The following ANK2 variants were observed in gnomAD, a reference collection of about 807,000 sequenced individuals.
The protein encoded by ANK2 is ankyrin-2.
A neutral mutation model predicts 360.5 loss-of-function variants in ANK2; 83 were observed. That is an observed-to-expected ratio of 0.23 (90% CI 0.19 to 0.28). The LOEUF (loss-of-function observed/expected upper bound fraction) is 0.28, where lower values mean the gene tolerates loss of function less well. Among genes scored for constraint, ANK2 ranks in the 10% least tolerant of loss-of-function variants. ANK2 has a pLI of 1.00. For missense variants in ANK2, 4,201 were observed against 4,795.7 expected, an observed-to-expected ratio of 0.88 and a Z score of 3.66; for synonymous variants, 1,740 against 1,759.5, an observed-to-expected ratio of 0.99 and a Z score of 0.28.
At chr4:112,736,806 C>T in the ANK2 span, among the ~76,000 whole-genome samples, 1 of 152,148 alleles carries the variant, frequency 6.6e-6, no homozygotes, top group Non-Finnish European at 1.5e-5. Context: ...AGTGAGATTG[C>T]TGATGGCATC....
chr4:112,747,308 G>A, the ANK2 span, among the ~76,000 whole-genome samples: 1 of 152,174 alleles, frequency 6.6e-6, no homozygotes. Context: ...AGCACCAAAA[G>A]GAAATGATCA....
intron 21 of ANK2, 128 bp downstream of exon 21, chr4:113,292,642 C>T: frequency 9.2e-7 from 1 of 1,086,876 alleles, no homozygotes; most frequent in Non-Finnish European, 1.4e-6. Context: ...CTCTGGAAAG[C>T]CCCAGATTTT....
chr4:113,373,583 A>G (rs1265670718), intron 45 of ANK2, 134 bp downstream of exon 45: 1 of 958,688 alleles, frequency 1.0e-6, no homozygotes, highest in Non-Finnish European at 1.7e-6. Flanking sequence ...TTAGTTGCAC[A>G]TTCACCTTTT....
At chr4:112,962,761 A>G (rs2035485358) in intron 2 of ANK2, among the ~76,000 whole-genome samples, 1 of 152,172 alleles carries the variant, frequency 6.6e-6, no homozygotes, top group Non-Finnish European at 1.5e-5. Context: ...GGACTTTAGT[A>G]TCTGTGTTTT....
At chr4:112,760,130 C>T in the ANK2 span, among the ~76,000 whole-genome samples, 34 of 152,280 alleles carry the variant, frequency 2.2e-4, 1 homozygote, top group Middle Eastern at 6.8e-3. Flanking sequence ...CCTGCCCACC[C>T]CAGTTACGTT....
chr4:113,254,097 A>C (rs962176142), intron 10 of ANK2, among the ~76,000 whole-genome samples: 1 of 152,146 alleles, frequency 6.6e-6, no homozygotes, highest in Non-Finnish European at 1.5e-5. Context: ...CCTTCACGTC[A>C]AAACTCATCT....
chr4:112,784,638 C>T, the ANK2 span, among the ~76,000 whole-genome samples: 20 of 152,166 alleles, frequency 1.3e-4, no homozygotes, highest in Admixed American at 9.8e-4. Flanking sequence ...CCACCCCGTC[C>T]GGCCCGGGCT....
chr4:113,233,104 CTGTTTTTTTTTTTTTTTTTTTTTTTTT>C lies in ANK2; in HGVS notation c.483+847_483+873del, dbSNP rs2099331564. Among the ~76,000 whole-genome samples the C allele has an allele frequency of 1.7e-4, 5 of 29,304 alleles. 1 individual carries two copies. The highest frequency in any genetic ancestry group is 4.2e-4 in the African/African-American group (3 of 7,114). The allele number at this position is 29,304 out of a possible 152,430, so 19.2% of individuals were successfully genotyped here. ...ACCAGAGTATATGGGCTTGGCTTTT[CTGTTTTTTTTTTTTTTTTTTTTTTTTT>C]TTTTTTTTTTTTTTTTTTTTTGAGA... On this transcript the variant is annotated intron_variant, in intron 5 of 45. Coordinates refer to ENST00000357077, the MANE Select transcript of ANK2 (RefSeq NM_001148.6).
At chr4:113,177,020 C>T (rs1008244055) in intron 2 of ANK2, among the ~76,000 whole-genome samples, 2 of 152,136 alleles carry the variant, frequency 1.3e-5, no homozygotes, top group African/African-American at 4.8e-5. Context: ...TTTCTTAATC[C>T]AGTCTATCAT....
the ANK2 span, among the ~76,000 whole-genome samples, chr4:112,789,485 G>A: frequency 6.6e-6 from 1 of 152,090 alleles, no homozygotes; most frequent in African/African-American, 2.4e-5. Context: ...GTAGAGAAAG[G>A]CCTTGGAAAA....
In ANK2 at chr4:113,355,952, A is replaced by G. The variant is rs766060431; in HGVS notation, c.7334A>G (p.Asp2445Gly). The stretch of plus-strand genomic sequence containing the variant: ...CTGGAAGCCAGCCCTGTGCTAGAAG[A>G]TAACTCTTCACACAAAACCCCTGAT... ...DSLEASPVLE[D>G]NSSHKTPDSL... Residue 2445 changes from aspartate (D) to glycine (G), a missense_variant, in exon 38 of 46, where the codon GAT becomes GGT. Physicochemically the swap from Asp to Gly is moderately conservative, Grantham distance 94. This residue lies in a region of ANK2 where 2,642 missense variants were observed against 2,714.5 expected (regional missense o/e 0.97). Coordinates refer to ENST00000357077, the MANE Select transcript of ANK2 (RefSeq NM_001148.6). 1.4e-5 allele frequency: 23 copies of G among 1,614,122 alleles called. No homozygotes were observed. The highest frequency in any genetic ancestry group is 1.9e-5 in the Non-Finnish European group (23 of 1,179,992).
chr4:112,976,251 G>A (rs62317105), intron 2 of ANK2, among the ~76,000 whole-genome samples: 53,371 of 151,338 alleles, frequency 0.35, 10,201 homozygotes, highest in African/African-American at 0.51. Context: ...TGGAATGCAG[G>A]GGCACGATCT....
chr4:112,948,281 C>A (rs914322419), intron 2 of ANK2, among the ~76,000 whole-genome samples: 1 of 152,164 alleles, frequency 6.6e-6, no homozygotes, highest in African/African-American at 2.4e-5. Context: ...TTTGGAGAAG[C>A]CATATGTATA....
Position 113,255,841 on chromosome 4 carries a change from T to G in ANK2, c.1097T>G (p.Leu366Arg). Reference protein sequence around the residue: ...APVDDVTLDYLTALHVAAHCG... With the variant: ...APVDDVTLDYRTALHVAAHCG... ...GTTGATGATGTCACCCTAGACTACC[T>G]GACAGCCCTCCACGTTGCTGCGCAC... The change falls in exon 11 of 46, where the codon CTG becomes CGG. Residue 366 changes from leucine to arginine, a missense_variant. By Grantham distance (102) the Leu-to-Arg change is moderately radical. This residue lies in a region of ANK2 where 1,268 missense variants were observed against 1,650.8 expected (regional missense o/e 0.77). Coordinates refer to ENST00000357077, the MANE Select transcript of ANK2 (RefSeq NM_001148.6). 6.2e-7 allele frequency: 1 copy of G among 1,614,254 alleles called. No homozygotes were observed. Among genetic ancestry groups the G allele is most frequent in the Non-Finnish European group, 8.5e-7 (1 of 1,180,044 alleles).
chr4:113,010,964 G>A (rs906787044), intron 2 of ANK2, among the ~76,000 whole-genome samples: 5 of 152,048 alleles, frequency 3.3e-5, no homozygotes, highest in African/African-American at 1.2e-4. Flanking sequence ...CTCTAGTGAA[G>A]CAAGAATAAT....
chr4:113,180,432 AT>A (rs1335586850), intron 2 of ANK2, among the ~76,000 whole-genome samples: 14 of 152,268 alleles, frequency 9.2e-5, no homozygotes, highest in Non-Finnish European at 1.9e-4. Context: ...TAATAATGTA[AT>A]TTTTTTATAT....
Position 112,851,294 on chromosome 4 carries a change from T to C in ANK2, c.-40+33030T>C, listed in dbSNP as rs77176773. Among the ~76,000 whole-genome samples the C allele has an allele frequency of 3.6e-4, 55 of 152,318 alleles. 2 individuals carry two copies. The East Asian group carries it at 7.7e-3, about 21-fold the overall frequency. On this transcript the variant is annotated intron_variant, in intron 1 of 30. Coordinates refer to the ANK2 transcript ENST00000503271. Reference sequence around the variant, plus strand: ...AGATAACGAGGAGAGGAAATCTCAGTGCTTTCCGTGTCCAGCTTTTGCTCC... The same window carrying C: ...AGATAACGAGGAGAGGAAATCTCAGCGCTTTCCGTGTCCAGCTTTTGCTCC...
chr4:112,730,830 A>G, the ANK2 span, among the ~76,000 whole-genome samples: 1 of 150,550 alleles, frequency 6.6e-6, no homozygotes, highest in African/African-American at 2.4e-5. Flanking sequence ...AGGGCAACAT[A>G]GTGAGACACT....
intron 9 of ANK2, among the ~76,000 whole-genome samples, chr4:113,248,589 G>T (rs2044315379): frequency 6.6e-6 from 1 of 151,966 alleles, no homozygotes; most frequent in Non-Finnish European, 1.5e-5. Context: ...GGTAGAGCAT[G>T]GGTCTGGAGG....
Sources: gnomAD v4.1 joint callset for allele counts (sites outside exome capture counted in the v4.1 genomes callset) on GRCh38, gnomAD v4.1.1 for gene constraint, gnomAD v4.1.1 regional missense constraint, MANE v1.5 for transcripts, NCBI Gene and HGNC (gene_info 2026-07-23, HGNC 2026-07-21) for gene names.